Variants in SPSB4 observed in about 807,000 individuals in gnomAD.
SPSB4 encodes the protein splA/ryanodine receptor domain and SOCS box containing 4.
A neutral mutation model predicts 20.9 loss-of-function variants in SPSB4; 21 were observed. The observed-to-expected ratio is 1.01, with a 90% CI of 0.71 to 1.45. SPSB4 has a LOEUF of 1.45. Among genes scored for constraint, SPSB4 ranks in the 40% most tolerant of loss-of-function variants. SPSB4 has a pLI of 0.00. For missense variants in SPSB4, 399 were observed against 399.2 expected (o/e 1.00, Z 0.00); for synonymous variants, 207 against 183.8 (o/e 1.13, Z -1.02).
intron 2 of SPSB4, among the ~76,000 whole-genome samples, chr3:141,105,851 C>T (rs531623032): frequency 5.9e-5 from 9 of 152,348 alleles, no homozygotes; most frequent in Admixed American, 5.9e-4. Context: ...TTCCATCTCC[C>T]TTTCCTGGTA....
chr3:141,082,372 C>T (rs1025626889), intron 2 of SPSB4, among the ~76,000 whole-genome samples: 1 of 152,170 alleles, frequency 6.6e-6, no homozygotes, highest in Non-Finnish European at 1.5e-5. Context: ...TGGGAGGTGG[C>T]ATTTCTGGCT....
intron 2 of SPSB4, among the ~76,000 whole-genome samples, chr3:141,122,567 G>A (rs941069911): frequency 2.0e-5 from 3 of 152,210 alleles, no homozygotes; most frequent in Admixed American, 1.3e-4. Flanking sequence ...GCTGAGCTGT[G>A]GTGGGCTCTG....
intron 2 of SPSB4, among the ~76,000 whole-genome samples, chr3:141,081,514 G>A (rs1029052103): frequency 6.6e-6 from 1 of 152,192 alleles, no homozygotes; most frequent in Non-Finnish European, 1.5e-5. Context: ...ACCAGCCAAT[G>A]AGTGTCAGGC....
At chr3:141,140,570 G>A (rs1162192702) in intron 2 of SPSB4, among the ~76,000 whole-genome samples, 2 of 152,192 alleles carry the variant, frequency 1.3e-5, no homozygotes, top group Non-Finnish European at 2.9e-5. Context: ...TCAGCTGCAG[G>A]TCTGTTGGAG....
rs76320236 is a variant in SPSB4, at chr3:141,069,570, G to A, written c.694+2772G>A. ...AGCAAAAGGCAGGCCAACTCTCTGG[G>A]GTTACTTCCCCACAGGATCATAGGA... On this transcript the variant is annotated intron_variant, in intron 2 of 2. Transcript: ENST00000310546. Among the ~76,000 whole-genome samples the A allele has an allele frequency of 3.8e-3, 576 of 152,274 alleles. 6 individuals carry two copies. The highest frequency in any genetic ancestry group is 0.013 in the African/African-American group (550 of 41,550).
At chr3:141,138,392 G>C (rs1419724328) in intron 2 of SPSB4, among the ~76,000 whole-genome samples, 2 of 152,118 alleles carry the variant, frequency 1.3e-5, no homozygotes, top group Non-Finnish European at 2.9e-5. Flanking sequence ...GAATGTGTTT[G>C]CTCTTGCTTC....
chr3:141,069,766 GC>G (rs1376374731), intron 2 of SPSB4, among the ~76,000 whole-genome samples: 2 of 152,306 alleles, frequency 1.3e-5, no homozygotes, highest in East Asian at 3.9e-4. Context: ...AGCAATTGGT[GC>G]CCCTGTGTTG....
chr3:141,064,543 A>C (rs1937825492), intron 1 of SPSB4, among the ~76,000 whole-genome samples: 1 of 152,016 alleles, frequency 6.6e-6, no homozygotes, highest in African/African-American at 2.4e-5. Flanking sequence ...ATGGTGAAAA[A>C]CCCACAGGAT....
intron 2 of SPSB4, among the ~76,000 whole-genome samples, chr3:141,125,161 T>G (rs73871727): frequency 0.011 from 1,626 of 152,134 alleles, 36 homozygotes; most frequent in African/African-American, 0.037. Context: ...GATGCAAAAA[T>G]GGAAGGGGAG....
chr3:141,054,501 G>T (rs1469289194), intron 1 of SPSB4, among the ~76,000 whole-genome samples: 1 of 152,234 alleles, frequency 6.6e-6, no homozygotes, highest in East Asian at 1.9e-4. Flanking sequence ...AAGAAATAGG[G>T]ATTTGTTTTG....
At chr3:141,133,445 A>G (rs751533194) in intron 2 of SPSB4, among the ~76,000 whole-genome samples, 5 of 151,184 alleles carry the variant, frequency 3.3e-5, no homozygotes, top group African/African-American at 4.9e-5. Flanking sequence ...TAAGTTTTTG[A>G]CCCATCTTGA....
chr3:141,136,687 C>G (rs886296648), intron 2 of SPSB4, among the ~76,000 whole-genome samples: 1 of 152,080 alleles, frequency 6.6e-6, no homozygotes, highest in Non-Finnish European at 1.5e-5. Context: ...CTGTTCTGTT[C>G]CATTGGTCTA....
chr3:141,147,629 CT>C lies in SPSB4; in HGVS notation c.*363del. 5.1e-6 allele frequency: 1 copy of C among 195,904 alleles called. No homozygotes were observed. The highest frequency in any genetic ancestry group is 1.1e-5 in the Non-Finnish European group (1 of 94,426). 12.1% of individuals were successfully genotyped at this position (195,904 alleles called of 1,614,324 possible). ...ATGAATAAAACATTTAGGCAGGAGA[CT>C]TTCTATTGTGTGCCCCGTTGCAGAC... is the stretch of plus-strand genomic sequence containing the variant. On this transcript the variant is annotated 3_prime_UTR_variant, in exon 3 of 3. Coordinates refer to ENST00000310546, the MANE Select transcript of SPSB4 (RefSeq NM_080862.3).
At chr3:141,131,635 C>A (rs1939132673) in intron 2 of SPSB4, among the ~76,000 whole-genome samples, 1 of 152,188 alleles carries the variant, frequency 6.6e-6, no homozygotes, top group Non-Finnish European at 1.5e-5. Context: ...TCGAAAGATT[C>A]CTCCATGCTT....
chr3:141,141,132 G>T (rs140970413), intron 2 of SPSB4, among the ~76,000 whole-genome samples: 1,808 of 152,332 alleles, frequency 0.012, 42 homozygotes, highest in African/African-American at 0.037. Context: ...CTCCGAGCCA[G>T]GTGCGGGATA....
chr3:141,101,465 C>T (rs2107795358), intron 2 of SPSB4, among the ~76,000 whole-genome samples: 1 of 152,326 alleles, frequency 6.6e-6, no homozygotes, highest in Non-Finnish European at 1.5e-5. Context: ...AGGAGTCCAG[C>T]TACCAGGGGG....
intron 2 of SPSB4, among the ~76,000 whole-genome samples, chr3:141,118,133 A>G (rs1938909038): frequency 6.6e-6 from 1 of 152,212 alleles, no homozygotes; most frequent in African/African-American, 2.4e-5. Context: ...GTACAAAAGC[A>G]TTCCTATTTC....
At position 141,147,229 on chromosome 3, in the gene SPSB4, C is replaced by T. The variant is rs143524410; in HGVS notation, c.782C>T (p.Pro261Leu). ...CGCCTGCAGGACATCAGCTCCCTGC[C>T]CCTGCCTCAGTCTCTCAAAAACTAT... Reference protein sequence around the residue: ...RQRLQDISSLPLPQSLKNYLQ... With the variant: ...RQRLQDISSLLLPQSLKNYLQ... Residue 261 changes from proline (P) to leucine (L), a missense_variant, in exon 3 of 3, where the codon CCC becomes CTC. Coordinates refer to ENST00000310546, the MANE Select transcript of SPSB4 (RefSeq NM_080862.3). 1.9e-5 allele frequency: 30 copies of T among 1,614,242 alleles called. No individual in the cohort carries two copies. In the African/African-American group the frequency reaches 4.0e-4, roughly 22 times the overall value.
chr3:141,115,308 A>G (rs1317451644), intron 2 of SPSB4: 1 of 152,238 alleles, frequency 6.6e-6, no homozygotes, highest in African/African-American at 2.4e-5. Context: ...AGGTACTGAC[A>G]TCCCTAACGG....
Sources: gnomAD v4.1 joint callset for allele counts (sites outside exome capture counted in the v4.1 genomes callset) on GRCh38, gnomAD v4.1.1 for gene constraint, MANE v1.5 for transcripts, NCBI Gene and HGNC (gene_info 2026-07-23, HGNC 2026-07-21) for gene names.